Variants in PJA2 observed in about 807,000 individuals in gnomAD.
PJA2 encodes praja ring finger ubiquitin ligase 2.
Under a neutral mutation model 69.3 loss-of-function variants are expected in PJA2, and 25 were observed. The ratio of observed to expected loss-of-function variants is 0.36; its 90% CI spans 0.26 to 0.50. The LOEUF (loss-of-function observed/expected upper bound fraction) is 0.50. Ranked by LOEUF, PJA2 falls within the 20% of genes least tolerant of loss-of-function variation. The pLI, the probability that PJA2 is intolerant of heterozygous loss-of-function variation, is 0.96. For synonymous variants in PJA2, 308 were observed against 277.8 expected (o/e 1.11, Z -1.08); for missense variants, 809 against 830.2 (o/e 0.97, Z 0.31).
intron 3 of PJA2, among the ~76,000 whole-genome samples, chr5:109,381,053 T>G (rs1478367425): frequency 6.6e-6 from 1 of 150,828 alleles, no homozygotes; most frequent in Non-Finnish European, 1.5e-5. Flanking sequence ...AGATGGAGGT[T>G]GCAGTCAGCC....
At chr5:109,398,787 A>C (rs1747474740) in intron 1 of PJA2, among the ~76,000 whole-genome samples, 1 of 152,092 alleles carries the variant, frequency 6.6e-6, no homozygotes, top group African/African-American at 2.4e-5. Context: ...TTAAAAAAAA[A>C]AGAAAAAGAA....
chr5:109,394,584 C>T (rs562422618), intron 1 of PJA2, among the ~76,000 whole-genome samples: 29 of 152,224 alleles, frequency 1.9e-4, no homozygotes, highest in Middle Eastern at 3.4e-3. Flanking sequence ...TTGTAATTGG[C>T]AGAAAAATGT....
At chr5:109,396,775 AAGGCAGG>A (rs1283406812) in intron 1 of PJA2, among the ~76,000 whole-genome samples, 1 of 120,648 alleles carries the variant, frequency 8.3e-6, no homozygotes, top group African/African-American at 3.1e-5. Context: ...AAAAAAAAAA[AAGGCAGG>A]GGTGGGGGTG....
chr5:109,386,313 C>T (rs919086252), intron 1 of PJA2, among the ~76,000 whole-genome samples: 7 of 152,088 alleles, frequency 4.6e-5, no homozygotes, highest in African/African-American at 1.7e-4. Context: ...ATGATGAAGG[C>T]CTATCACTGA....
chr5:109,384,006 T>C (rs142295158), intron 1 of PJA2, among the ~76,000 whole-genome samples: 97 of 152,348 alleles, frequency 6.4e-4, no homozygotes, highest in African/African-American at 1.9e-3. Context: ...AAAATGGCTA[T>C]GTGAAATACA....
intron 7 of PJA2, among the ~76,000 whole-genome samples, chr5:109,353,452 ATATTAGATACCT>A (rs1280472533): frequency 4.3e-5 from 5 of 115,804 alleles, no homozygotes; most frequent in Non-Finnish European, 9.6e-5. Flanking sequence ...AGATATCTAT[ATATTAGATACCT>A]ATATCTATAG....
intron 7 of PJA2, among the ~76,000 whole-genome samples, chr5:109,354,328 A>C (rs1244343248): frequency 1.8e-4 from 25 of 137,028 alleles, no homozygotes; most frequent in South Asian, 4.6e-4. Context: ...GATATCTATG[A>C]TATCTAGAGA....
At position 109,355,833 on chromosome 5, in the gene PJA2, A is replaced by G. The variant is rs538041146; in HGVS notation, c.1764+82T>C. 4.3e-5 allele frequency: 39 copies of G among 917,070 alleles called. No individual in the cohort carries two copies. In the African/African-American group the frequency reaches 5.6e-4, roughly 13 times the overall value. The allele number at this position is 917,070 out of a possible 1,614,324, so 56.8% of individuals were successfully genotyped here. ...TGGGAAAAAGATTCACCTTTTCTTAAGAGTAGTCTAAAAATCCCTTTAAAC... is the reference window on the plus strand; with the variant it reads ...TGGGAAAAAGATTCACCTTTTCTTAGGAGTAGTCTAAAAATCCCTTTAAAC... On this transcript the variant is annotated intron_variant, in intron 7 of 9. Transcript: ENST00000361189.
In PJA2 at chr5:109,335,553, C is replaced by A. The variant is rs1331631362; in HGVS notation, c.*1678G>T. 6.6e-6 allele frequency: 1 copy of A among 152,088 alleles called. No homozygotes were observed. Among genetic ancestry groups the A allele is most frequent in the Admixed American group, 6.5e-5 (1 of 15,274 alleles). The allele number at this position is 152,088 out of a possible 1,614,324, so 9.4% of individuals were successfully genotyped here. On this transcript the variant is annotated 3_prime_UTR_variant, in exon 10 of 10. Transcript: ENST00000361189. ...TTAACCAGTAAGTGTCACAACTGAT[C>A]AACAGTACTTAAAAGGAAACAAACA...
intron 1 of PJA2, among the ~76,000 whole-genome samples, chr5:109,400,360 AGAAAC>A (rs1230099313): frequency 6.6e-6 from 1 of 151,958 alleles, no homozygotes; most frequent in African/African-American, 2.4e-5. Context: ...TTAACTGAAA[AGAAAC>A]ATGTTAAAAA....
At chr5:109,357,725 G>A (rs754741110) in intron 6 of PJA2, among the ~76,000 whole-genome samples, 7 of 152,196 alleles carry the variant, frequency 4.6e-5, no homozygotes, top group African/African-American at 7.2e-5. Context: ...GTACCAGTGC[G>A]GGAGAGCACT....
intron 7 of PJA2, among the ~76,000 whole-genome samples, chr5:109,348,900 T>C (rs1342342660): frequency 1.3e-5 from 2 of 152,200 alleles, no homozygotes; most frequent in Non-Finnish European, 1.5e-5. Context: ...TATTTATATA[T>C]GTTAACAGTT....
intron 7 of PJA2, among the ~76,000 whole-genome samples, chr5:109,353,162 G>GATACCTATA (rs1455474100): frequency 2.3e-5 from 3 of 132,418 alleles, no homozygotes; most frequent in African/African-American, 8.4e-5. Context: ...CTATATATTA[G>GATACCTATA]ATATCTATAA....
intron 5 of PJA2, among the ~76,000 whole-genome samples, chr5:109,367,896 T>C (rs1762611745): frequency 6.6e-6 from 1 of 152,210 alleles, no homozygotes; most frequent in Non-Finnish European, 1.5e-5. Context: ...ACAAACATTC[T>C]TGCTAGAAAC....
At chr5:109,393,892 A>G (rs995725860) in intron 1 of PJA2, among the ~76,000 whole-genome samples, 17 of 152,310 alleles carry the variant, frequency 1.1e-4, no homozygotes, top group African/African-American at 4.1e-4. Context: ...CATTTTTATA[A>G]AAGTTCAAAA....
rs1746969273 is a variant in PJA2 at position 109,378,962 on chromosome 5, T to C, written c.525A>G (p.Gly175=). ...TDSYDPDGKH[G]EDNDHLQLSA... is the part of the protein sequence containing the mutation. ...AAAGTTGAAGATGGTCATTATCTTC[T>C]CCATGTTTGCCATCTGGATCATAAG... Residue 175 remains glycine (G), a synonymous_variant, in exon 4 of 10, where the codon GGA becomes GGG. Coordinates refer to ENST00000361189, the MANE Select transcript of PJA2 (RefSeq NM_014819.5). 2.2e-5 allele frequency: 36 copies of C among 1,614,190 alleles called. No individual in the cohort carries two copies. Among genetic ancestry groups the C allele is most frequent in the Non-Finnish European group, 3.0e-5 (35 of 1,180,026 alleles).
In PJA2 at chr5:109,383,451, T is replaced by A. The variant is rs187778354; in HGVS notation, c.-18A>T. 1.4e-3 allele frequency: 2,317 copies of A among 1,604,104 alleles called. 4 individuals are homozygous for A. Among genetic ancestry groups the A allele is most frequent in the Admixed American group, 1.9e-3 (111 of 59,482 alleles). ...TGTGACATATATGGCAGCGTCTGTG[T>A]GACCAGTTCAGTAGAATTATAGATG... is the stretch of plus-strand genomic sequence containing the variant. On this transcript the variant is annotated 5_prime_UTR_variant, in exon 2 of 10. Transcript: ENST00000361189.
In PJA2 at chr5:109,351,052, T is replaced by C. The variant is rs974280090; in HGVS notation, c.1764+4863A>G. Among the ~76,000 whole-genome samples, 5 of 151,450 alleles carry C rather than the reference T, an allele frequency of 3.3e-5. No individual in the cohort carries two copies. The South Asian group carries it at 1.0e-3, about 32-fold the overall frequency. On this transcript the variant is annotated intron_variant, in intron 7 of 9. Transcript: ENST00000361189. ...CATTCACAGGGACAATCTGAAGTAC[T>C]GAGGTAGAACTGAACTCTAATGACT... is the stretch of plus-strand genomic sequence containing the variant.
chr5:109,378,631 C>T lies in PJA2; in HGVS notation c.856G>A (p.Ala286Thr). 1 of 1,614,154 alleles carries T rather than the reference C, an allele frequency of 6.2e-7. No individual in the cohort carries two copies. The change falls in exon 4 of 10, where the codon GCA becomes ACA. Residue 286 changes from alanine (A) to threonine (T), a missense_variant. Physicochemically the swap from Ala to Thr is moderately conservative, Grantham distance 58. Coordinates refer to ENST00000361189, the MANE Select transcript of PJA2 (RefSeq NM_014819.5). ...ERQTEHSPED[A>T]ACGPGHICSE... ...CAAATATGCCCTGGACCACAGGCTG[C>T]ATCTTCAGGTGAATGTTCTGTCTGT...
Sources: gnomAD v4.1 joint callset for allele counts (sites outside exome capture counted in the v4.1 genomes callset) on GRCh38, gnomAD v4.1.1 for gene constraint, MANE v1.5 for transcripts, NCBI Gene and HGNC (gene_info 2026-07-23, HGNC 2026-07-21) for gene names.